SPAG16: variants seen among roughly 807,000 people sequenced by gnomAD.
SPAG16 encodes sperm-associated antigen 16 protein.
A neutral mutation model predicts 80.4 loss-of-function variants in SPAG16; 86 were observed. The ratio of observed to expected loss-of-function variants is 1.07; its 90% CI spans 0.90 to 1.28. SPAG16 has a LOEUF of 1.28. SPAG16 is among the 50% of genes most tolerant of loss of function. SPAG16 has a pLI of 0.00. For missense variants in SPAG16, 870 were observed against 765.3 expected (o/e 1.14, Z -1.61); for synonymous variants, 294 against 265.9 (o/e 1.11, Z -1.03).
At chr2:213,575,796 A>G (rs1240713354) in intron 10 of SPAG16, among the ~76,000 whole-genome samples, 1 of 152,160 alleles carries the variant, frequency 6.6e-6, no homozygotes, top group African/African-American at 2.4e-5. Context: ...GATTATTATC[A>G]CAGAAATGTA....
chr2:214,114,642 G>A (rs890282313), intron 14 of SPAG16, among the ~76,000 whole-genome samples: 5 of 152,176 alleles, frequency 3.3e-5, no homozygotes, highest in Non-Finnish European at 5.9e-5. Context: ...CTTGTCTGCC[G>A]GTTGCTAAGA....
At chr2:213,431,008 T>A (rs1179621187) in intron 9 of SPAG16, among the ~76,000 whole-genome samples, 2 of 152,172 alleles carry the variant, frequency 1.3e-5, no homozygotes, top group Non-Finnish European at 2.9e-5. Flanking sequence ...GAAATAGTTT[T>A]TCTCAGACAA....
At chr2:213,436,894 T>C (rs61687683) in intron 9 of SPAG16, among the ~76,000 whole-genome samples, 11,219 of 152,036 alleles carry the variant, frequency 0.074, 1,353 homozygotes, top group African/African-American at 0.25. Context: ...CATGTAATAC[T>C]ACGCAAAAAT....
At chr2:213,520,515 A>G (rs1356628581) in intron 10 of SPAG16, among the ~76,000 whole-genome samples, 1 of 152,070 alleles carries the variant, frequency 6.6e-6, no homozygotes, top group Non-Finnish European at 1.5e-5. Context: ...AATGGTGTGA[A>G]CCTGGGAGGC....
At chr2:214,253,179 G>C (rs192405207) in intron 15 of SPAG16, among the ~76,000 whole-genome samples, 2 of 147,956 alleles carry the variant, frequency 1.4e-5, no homozygotes, top group Non-Finnish European at 1.5e-5. Context: ...ATCTGTTTAA[G>C]TTCTTTGTTG....
At chr2:213,904,734 G>C (rs1271258414) in intron 11 of SPAG16, among the ~76,000 whole-genome samples, 2 of 152,080 alleles carry the variant, frequency 1.3e-5, no homozygotes, top group East Asian at 1.9e-4. Context: ...CCTTGTCATT[G>C]GTTTTCTGGG....
At chr2:214,279,318 A>G (rs372493108) in intron 15 of SPAG16, among the ~76,000 whole-genome samples, 18 of 152,156 alleles carry the variant, frequency 1.2e-4, no homozygotes, top group African/African-American at 3.6e-4. Flanking sequence ...GATGGTCTCA[A>G]TCTCTTGACC....
intron 15 of SPAG16, among the ~76,000 whole-genome samples, chr2:214,207,683 G>A (rs1185882978): frequency 2.0e-5 from 3 of 152,202 alleles, no homozygotes; most frequent in Non-Finnish European, 4.4e-5. Flanking sequence ...GTGTGTCTGT[G>A]AGGGTGTTTC....
intron 11 of SPAG16, among the ~76,000 whole-genome samples, chr2:213,915,089 G>T (rs1056025871): frequency 6.6e-6 from 1 of 151,786 alleles, no homozygotes; most frequent in South Asian, 2.1e-4. Context: ...CTTACATGGT[G>T]GAGGCCAAGA....
chr2:214,150,221 A>T (rs1399425631), intron 15 of SPAG16, among the ~76,000 whole-genome samples: 2 of 152,092 alleles, frequency 1.3e-5, no homozygotes, highest in African/African-American at 4.8e-5. Context: ...TAGAGCCAGA[A>T]GATAATTGTG....
chr2:213,832,171 T>C (rs2073705239), intron 10 of SPAG16, among the ~76,000 whole-genome samples: 1 of 151,928 alleles, frequency 6.6e-6, no homozygotes, highest in African/African-American at 2.4e-5. Flanking sequence ...CTAATTTTTG[T>C]ATTTTTAGTA....
At chr2:213,550,256 A>G (rs939954547) in intron 10 of SPAG16, among the ~76,000 whole-genome samples, 2 of 151,976 alleles carry the variant, frequency 1.3e-5, no homozygotes, top group African/African-American at 2.4e-5. Context: ...TTTATTGAAC[A>G]ATGCTACTTT....
chr2:213,300,981 T>G, intron 3 of SPAG16, among the ~76,000 whole-genome samples: 1 of 152,224 alleles, frequency 6.6e-6, no homozygotes, highest in South Asian at 2.1e-4. Context: ...AAATATGTAT[T>G]CCTTTTATTT....
intron 13 of SPAG16, among the ~76,000 whole-genome samples, chr2:214,037,019 T>C (rs10202506): frequency 0.94 from 143,169 of 151,990 alleles, 67,784 homozygotes; most frequent in Non-Finnish European, 0.99. Context: ...ATTTCACTTT[T>C]AACTAAATTA....
At chr2:214,296,485 G>A (rs186502896) in intron 15 of SPAG16, among the ~76,000 whole-genome samples, 2 of 152,056 alleles carry the variant, frequency 1.3e-5, no homozygotes, top group African/African-American at 4.8e-5. Flanking sequence ...TTCCATAGAG[G>A]TTTTACTAAT....
At chr2:213,814,016 G>A (rs975194050) in intron 10 of SPAG16, among the ~76,000 whole-genome samples, 1 of 152,144 alleles carries the variant, frequency 6.6e-6, no homozygotes, top group Admixed American at 6.6e-5. Flanking sequence ...GGAGACGGAG[G>A]TAGGGAGAGA....
chr2:214,395,630 A>G (rs1258230614), intron 15 of SPAG16, among the ~76,000 whole-genome samples: 1 of 152,164 alleles, frequency 6.6e-6, no homozygotes, highest in Non-Finnish European at 1.5e-5. Context: ...TCACCCAGGT[A>G]ATAAGCATAG....
intron 13 of SPAG16, among the ~76,000 whole-genome samples, chr2:214,081,725 C>T (rs915561421): frequency 6.6e-6 from 1 of 152,178 alleles, no homozygotes; most frequent in Non-Finnish European, 1.5e-5. Flanking sequence ...TTTGTTATGA[C>T]AGCCCTAGGA....
intron 10 of SPAG16, among the ~76,000 whole-genome samples, chr2:213,796,501 A>G (rs535932056): frequency 6.6e-6 from 1 of 152,290 alleles, no homozygotes; most frequent in Non-Finnish European, 1.5e-5. Context: ...ATAATATTCC[A>G]TTCTATGGAT....
Sources: gnomAD v4.1 joint callset for allele counts (sites outside exome capture counted in the v4.1 genomes callset) on GRCh38, gnomAD v4.1.1 for gene constraint, MANE v1.5 for transcripts, NCBI Gene and HGNC (gene_info 2026-07-23, HGNC 2026-07-21) for gene names.